Variants in TMEM202 observed in about 807,000 individuals in gnomAD.
The protein encoded by TMEM202 is transmembrane protein 202.
In TMEM202, 25 loss-of-function variants were observed where a neutral mutation model predicts 26.1. That is an observed-to-expected ratio of 0.96 (90% CI 0.70 to 1.34). The LOEUF (loss-of-function observed/expected upper bound fraction) is 1.34. Among genes scored for constraint, TMEM202 ranks in the 40% most tolerant of loss-of-function variants. The pLI, the probability that TMEM202 is intolerant of heterozygous loss-of-function variation, is 0.00. For synonymous variants in TMEM202, 122 were observed against 119.0 expected (o/e 1.02, Z -0.16); for missense variants, 301 against 327.7 (o/e 0.92, Z 0.63).
At chr15:72,398,567 GGAATGCTT>G in intron 1 of TMEM202, 78 bp from the exon 2 acceptor site, 1 of 1,532,746 alleles carries the variant, frequency 6.5e-7, no homozygotes, top group South Asian at 1.2e-5. Context: ...AACACACATG[GGAATGCTT>G]GAGGTAGAGA....
chr15:72,402,382 C>T (rs544484703), intron 2 of TMEM202, among the ~76,000 whole-genome samples: 3 of 152,258 alleles, frequency 2.0e-5, no homozygotes, highest in African/African-American at 4.8e-5. Context: ...AAGTCATTTT[C>T]GTAAGTTTCA....
chr15:72,400,390 A>G (rs1445650323), intron 2 of TMEM202, among the ~76,000 whole-genome samples: 4 of 152,236 alleles, frequency 2.6e-5, no homozygotes, highest in Admixed American at 2.6e-4. Flanking sequence ...GCATTCCTGT[A>G]CATGCCATGC....
intron 2 of TMEM202, among the ~76,000 whole-genome samples, chr15:72,402,838 C>T (rs2140357432): frequency 6.6e-6 from 1 of 152,138 alleles, no homozygotes; most frequent in Admixed American, 6.5e-5. Flanking sequence ...TACGAGGGGA[C>T]TTAAATACTA....
chr15:72,407,731 T>C lies in TMEM202; in HGVS notation c.660T>C (p.Pro220=). 6.2e-7 allele frequency: 1 copy of C among 1,613,972 alleles called. No individual in the cohort carries two copies. The highest frequency in any genetic ancestry group is 1.7e-5 in the Admixed American group (1 of 60,016). The change falls in exon 5 of 5, where the codon CCT becomes CCC. Residue 220 remains proline (P), a synonymous_variant. Transcript: ENST00000341689. ...TCAACTACTTAACTTCCAGATCGCC[T>C]GCCTGTGATGAAAACGTCACTGTGA... ...SLLNYLTSRS[P]ACDENVTVIP...
chr15:72,405,296 C>T (rs758940789), intron 2 of TMEM202, among the ~76,000 whole-genome samples: 1 of 152,092 alleles, frequency 6.6e-6, no homozygotes, highest in Non-Finnish European at 1.5e-5. Context: ...AAGGAGGCAC[C>T]TTATAAGGGA....
chr15:72,404,628 A>G (rs2063563109), intron 2 of TMEM202, among the ~76,000 whole-genome samples: 1 of 152,068 alleles, frequency 6.6e-6, no homozygotes, highest in Admixed American at 6.6e-5. Flanking sequence ...TTTCCTGTTT[A>G]TTAGTGTGTA....
Position 72,398,724 on chromosome 15 carries a change from G to A in TMEM202, c.153G>A (p.Gln51=). ...AAAGGCAGCAGCAGCTTATGGATCA[G>A]GCACACATCTACATCCGAACGCTCT... ...SCQRQQQLMD[Q]AHIYIRTLCG... Residue 51 remains glutamine (Q), a synonymous_variant, in exon 2 of 5, where the codon CAG becomes CAA. Transcript: ENST00000341689. 6.2e-7 allele frequency: 1 copy of A among 1,614,130 alleles called. No homozygotes were observed. Among genetic ancestry groups the A allele is most frequent in the South Asian group, 1.1e-5 (1 of 91,072 alleles).
At position 72,398,408 on chromosome 15, in the gene TMEM202, G is replaced by A. The variant is rs1485182807; in HGVS notation, c.81+1G>A. 2 of 1,608,168 alleles carry A rather than the reference G, an allele frequency of 1.2e-6. No homozygotes were observed. Among genetic ancestry groups the A allele is most frequent in the Non-Finnish European group, 8.5e-7 (1 of 1,177,180 alleles). On this transcript the variant is annotated splice_donor_variant, in intron 1 of 4. Transcript: ENST00000341689. LOFTEE classifies it high-confidence loss of function. ...AAAGGGGAACCGGAAATACCAAAGG[G>A]TGAGGAGGTATCTAATTGAAAGTCA...
Position 72,407,099 on chromosome 15 carries a change from C to G in TMEM202, c.501C>G (p.Leu167=). The G allele has an allele frequency of 4.3e-6, 7 of 1,612,318 alleles. No individual in the cohort carries two copies. The highest frequency in any genetic ancestry group is 1.1e-5 in the South Asian group (1 of 90,972). The change falls in exon 4 of 5, where the codon CTC becomes CTG. Residue 167 remains leucine, a synonymous_variant. Coordinates refer to ENST00000341689, the MANE Select transcript of TMEM202 (RefSeq NM_001080462.3). ...TTCTGGTCCTAGCTACCTGCTTGCT[C>G]CTCTGCCTCAACCTGTTTGTGGCAC... ...MLSFISATCL[L]LCLNLFVAQV...
chr15:72,407,005 T>C (rs1223305945), intron 3 of TMEM202, 81 bp from the exon 4 acceptor site: 46 of 1,548,942 alleles, frequency 3.0e-5, no homozygotes, highest in Non-Finnish European at 3.9e-5. Context: ...ATATGGCCTC[T>C]GGAGGCCAAA....
chr15:72,404,188 C>T (rs1322164767), intron 2 of TMEM202, among the ~76,000 whole-genome samples: 1 of 151,962 alleles, frequency 6.6e-6, no homozygotes, highest in East Asian at 1.9e-4. Context: ...CTGAGGTGGG[C>T]AGATCGCTTG....
Position 72,407,028 on chromosome 15 carries a change from GC to G in TMEM202, c.488-57del, listed in dbSNP as rs2063575345. The G allele has an allele frequency of 3.1e-6, 5 of 1,596,850 alleles. No individual in the cohort carries two copies. The South Asian group carries it at 5.7e-5, about 18-fold the overall frequency. On this transcript the variant is annotated intron_variant, in intron 3 of 4. Transcript: ENST00000341689. ...TCTGGAGGCCAAAGAGCTGGGGGTG[GC>G]GGGGAAGACAGACTGAAGATGCTGA...
intron 2 of TMEM202, among the ~76,000 whole-genome samples, chr15:72,402,434 A>G (rs2063551985): frequency 6.6e-6 from 1 of 152,184 alleles, no homozygotes; most frequent in African/African-American, 2.4e-5. Context: ...GCATGCTCAT[A>G]TTCCTATTCC....
chr15:72,398,986 T>A, intron 2 of TMEM202, 78 bp downstream of exon 2: 1 of 1,525,020 alleles, frequency 6.6e-7, no homozygotes, highest in Non-Finnish European at 8.8e-7. Flanking sequence ...GCCCTTCATG[T>A]TTCTTCCTCC....
intron 2 of TMEM202, among the ~76,000 whole-genome samples, chr15:72,399,323 T>G (rs1157334464): frequency 6.6e-6 from 1 of 152,160 alleles, no homozygotes; most frequent in African/African-American, 2.4e-5. Flanking sequence ...TTTTTAAATT[T>G]TTTTTTCTTT....
chr15:72,398,888 G>C lies in TMEM202; in HGVS notation c.317G>C (p.Ser106Thr). The change falls in exon 2 of 5, where the codon AGC becomes ACC. Residue 106 changes from serine to threonine, a missense_variant. Physicochemically the swap from Ser to Thr is moderately conservative, Grantham distance 58. Coordinates refer to ENST00000341689, the MANE Select transcript of TMEM202 (RefSeq NM_001080462.3). ...TTATGCAACCATGAGCTGTGCTGGAGCCACACACCCAAGCCACCCTGTGAG... is the reference window on the plus strand; with the variant it reads ...TTATGCAACCATGAGCTGTGCTGGACCCACACACCCAAGCCACCCTGTGAG... Reference protein sequence around the residue: ...WTLCNHELCWSHTPKPPYYLQ... With the variant: ...WTLCNHELCWTHTPKPPYYLQ... 1 of 1,607,748 alleles carries C rather than the reference G, an allele frequency of 6.2e-7. No homozygotes were observed. The highest frequency in any genetic ancestry group is 8.5e-7 in the Non-Finnish European group (1 of 1,175,202).
chr15:72,405,177 A>T lies in TMEM202; in HGVS notation c.338-1425A>T, dbSNP rs1366155658. Among the ~76,000 whole-genome samples the T allele has an allele frequency of 2.0e-5, 3 of 152,310 alleles. No homozygotes were observed. In the South Asian group the frequency reaches 6.2e-4, roughly 32 times the overall value. ...ATAATTTCTGCTCTCTGGGTTACTC[A>T]GAAGCTGGACTTGGATTCTTAGGCA... is the stretch of plus-strand genomic sequence containing the variant. On this transcript the variant is annotated intron_variant, in intron 2 of 4. Coordinates refer to ENST00000341689, the MANE Select transcript of TMEM202 (RefSeq NM_001080462.3).
chr15:72,401,121 C>G (rs936877784), intron 2 of TMEM202, among the ~76,000 whole-genome samples: 3 of 152,116 alleles, frequency 2.0e-5, no homozygotes, highest in African/African-American at 7.2e-5. Flanking sequence ...GCTTCTTTAC[C>G]ACAGCCTGTT....
At chr15:72,405,834 A>C (rs141807783) in intron 2 of TMEM202, among the ~76,000 whole-genome samples, 5,184 of 152,288 alleles carry the variant, frequency 0.034, 139 homozygotes, top group East Asian at 0.12. Flanking sequence ...CTAAAAAAAA[A>C]CAAAAATTAG....
Sources: allele counts gnomAD v4.1 joint callset (sites outside exome capture counted in the v4.1 genomes callset), GRCh38; gene constraint gnomAD v4.1.1; transcripts MANE v1.5; gene names NCBI Gene and HGNC (gene_info 2026-07-23, HGNC 2026-07-21).